Variants in WIPF2 observed in about 807,000 individuals in gnomAD.
WIPF2 encodes WAS/WASL interacting protein family member 2, also known as WAS/WASL-interacting protein family member 2.
Under a neutral mutation model 38.8 loss-of-function variants are expected in WIPF2, and 23 were observed. The observed-to-expected ratio is 0.59, with a 90% CI of 0.43 to 0.84. The LOEUF (loss-of-function observed/expected upper bound fraction) is 0.84. Ranked by LOEUF, WIPF2 falls within the 40% of genes least tolerant of loss-of-function variation. WIPF2 has a pLI of 0.00. For synonymous variants in WIPF2, 210 were observed against 223.2 expected, an observed-to-expected ratio of 0.94 and a Z score of 0.53; for missense variants, 574 against 580.5, an observed-to-expected ratio of 0.99 and a Z score of 0.11.
At chr17:40,248,485 T>C (rs939371526) in intron 1 of WIPF2, among the ~76,000 whole-genome samples, 4 of 152,124 alleles carry the variant, frequency 2.6e-5, no homozygotes, top group African/African-American at 7.2e-5. Context: ...ATATTTCTTA[T>C]TAAATAGAGA....
chr17:40,230,995 ACAGTACTTAAAACC>A (rs1364334745), intron 1 of WIPF2, among the ~76,000 whole-genome samples: 4 of 152,170 alleles, frequency 2.6e-5, no homozygotes, highest in Non-Finnish European at 4.4e-5. Flanking sequence ...TTCAGAAATC[ACAGTACTTAAAACC>A]CAGATGGTCC....
intron 1 of WIPF2, among the ~76,000 whole-genome samples, chr17:40,242,212 T>C (rs1720638946): frequency 6.6e-6 from 1 of 152,160 alleles, no homozygotes; most frequent in South Asian, 2.1e-4. Flanking sequence ...ATCCTGTCTT[T>C]GCAATCAAAA....
rs1457326672 is a variant in WIPF2, at chr17:40,280,416, T to A, written c.*2191T>A. On this transcript the variant is annotated 3_prime_UTR_variant, in exon 8 of 8. Transcript: ENST00000323571. ...TCCAGGAGGTGGAGGTTGCAGTGAG[T>A]GGAGATGGCGCCACTGCGCTCCAGC... 1 of 152,396 alleles carries A rather than the reference T, an allele frequency of 6.6e-6. No individual in the cohort carries two copies. Among genetic ancestry groups the A allele is most frequent in the African/African-American group, 2.4e-5 (1 of 41,320 alleles). The allele number at this position is 152,396 out of a possible 1,614,324, so 9.4% of individuals were successfully genotyped here. A position where few individuals can be genotyped will look rare whatever the true frequency, so the allele number is the denominator to read the frequency against.
intron 1 of WIPF2, among the ~76,000 whole-genome samples, chr17:40,243,735 G>T (rs2031269162): frequency 1.3e-5 from 2 of 151,704 alleles, no homozygotes; most frequent in Non-Finnish European, 2.9e-5. Flanking sequence ...TGGCCAGGCT[G>T]GTCTAAAACT....
rs58758484 is a variant in WIPF2, at chr17:40,222,654, GTTTTTTTT to G, written c.-70+3188_-70+3195del. Reference sequence around the variant, plus strand: ...CTGGTTTTGATTTGATGCATATTCAGTTTTTTTTTTTTTTTTTTTTTTTTTTTTTTTTT... The same window carrying G: ...CTGGTTTTGATTTGATGCATATTCAGTTTTTTTTTTTTTTTTTTTTTTTTT... On this transcript the variant is annotated intron_variant, in intron 1 of 7. Coordinates refer to ENST00000323571, the MANE Select transcript of WIPF2 (RefSeq NM_133264.5). 2.3e-4 allele frequency among the ~76,000 whole-genome samples: 12 copies of G among 52,856 alleles called. No homozygotes were observed. The East Asian group carries it at 2.4e-3, about 11-fold the overall frequency. The allele number at this position is 52,856 out of a possible 152,430, so 34.7% of individuals were successfully genotyped here.
intron 2 of WIPF2, among the ~76,000 whole-genome samples, chr17:40,260,179 C>CTTTTTTTTT (rs34757828): frequency 3.0e-5 from 3 of 101,048 alleles, no homozygotes; most frequent in Non-Finnish European, 4.0e-5. Flanking sequence ...ATAAAGGGAA[C>CTTTTTTTTT]TTTTTTTTTT....
At chr17:40,276,940 G>C (rs755416125) in intron 6 of WIPF2, 143 bp from the exon 7 acceptor site, 69 of 666,678 alleles carry the variant, frequency 1.0e-4, no homozygotes, top group Admixed American at 2.9e-4. Flanking sequence ...CTGTTCTCAG[G>C]GTGGTTGGTT....
At chr17:40,252,440 G>A (rs769881613) in intron 1 of WIPF2, among the ~76,000 whole-genome samples, 2 of 152,100 alleles carry the variant, frequency 1.3e-5, no homozygotes, top group Non-Finnish European at 2.9e-5. Flanking sequence ...GAGGCGTGAG[G>A]ATCATTTGAG....
At chr17:40,267,855 T>C (rs2032140363) in intron 5 of WIPF2, among the ~76,000 whole-genome samples, 1 of 152,174 alleles carries the variant, frequency 6.6e-6, no homozygotes. Context: ...AGGAGTTATG[T>C]CATGGAGTCT....
chr17:40,220,599 A>ATATATATATATATG (rs2030167069), intron 1 of WIPF2: 1 of 83,112 alleles, frequency 1.2e-5, no homozygotes, highest in African/African-American at 5.4e-5. Context: ...ATATATATAT[A>ATATATATATATATG]TATATATATA....
chr17:40,263,447 G>T (rs148539494), intron 4 of WIPF2, among the ~76,000 whole-genome samples: 1 of 152,118 alleles, frequency 6.6e-6, no homozygotes, highest in Non-Finnish European at 1.5e-5. Flanking sequence ...ACCTGTACAG[G>T]TGCATGGCCC....
chr17:40,270,882 T>TTGTGTGTGTGTGTGTGTGTG (rs373553389), intron 5 of WIPF2, among the ~76,000 whole-genome samples: 75 of 150,476 alleles, frequency 5.0e-4, no homozygotes, highest in East Asian at 3.9e-3. Flanking sequence ...TTGTGCCAGA[T>TTGTGTGTGTGTGTGTGTGTG]TGTGTGTGTG....
rs1423882111 is a variant in WIPF2, at chr17:40,283,887, AGC to A, written c.*5663_*5664del. On this transcript the variant is annotated 3_prime_UTR_variant, in exon 8 of 8. Coordinates refer to ENST00000323571, the MANE Select transcript of WIPF2 (RefSeq NM_133264.5). The stretch of plus-strand genomic sequence containing the variant: ...ACATCATAACCACTAAGGCTTAATG[AGC>A]TTAACTTGCACTTTCATCACTAGCA... The A allele has an allele frequency of 6.6e-6, 1 of 152,142 alleles. No individual in the cohort carries two copies. Among genetic ancestry groups the A allele is most frequent in the Admixed American group, 6.5e-5 (1 of 15,276 alleles). The allele number at this position is 152,142 out of a possible 1,614,324, so 9.4% of individuals were successfully genotyped here.
chr17:40,219,340 T>A lies in WIPF2; in HGVS notation c.-222T>A, dbSNP rs965445931. 4 of 369,244 alleles carry A rather than the reference T, an allele frequency of 1.1e-5. No individual in the cohort carries two copies. The highest frequency in any genetic ancestry group is 2.0e-5 in the Non-Finnish European group (4 of 195,728). 22.9% of individuals were successfully genotyped at this position (369,244 alleles called of 1,614,324 possible). A position where few individuals can be genotyped will look rare whatever the true frequency, so the allele number is the denominator to read the frequency against. ...GGACGCTGGGGACGGTGGGAGCAGA[T>A]CCATTTCCGGGTTGGCAAAAGGGGC... On this transcript the variant is annotated 5_prime_UTR_variant, in exon 1 of 8. Transcript: ENST00000323571.
intron 1 of WIPF2, among the ~76,000 whole-genome samples, chr17:40,227,151 C>A (rs1411838451): frequency 2.6e-5 from 4 of 152,120 alleles, no homozygotes; most frequent in Non-Finnish European, 5.9e-5. Flanking sequence ...AAGCAATCTC[C>A]TGCCTCACCG....
At chr17:40,221,024 C>T (rs541795631) in intron 1 of WIPF2, among the ~76,000 whole-genome samples, 1 of 151,924 alleles carries the variant, frequency 6.6e-6, no homozygotes, top group South Asian at 2.1e-4. Flanking sequence ...CCTCGTGATC[C>T]GCCCGCCTCT....
intron 6 of WIPF2, among the ~76,000 whole-genome samples, chr17:40,276,282 C>G (rs888603926): frequency 3.3e-5 from 5 of 152,112 alleles, no homozygotes; most frequent in African/African-American, 1.2e-4. Context: ...AATCCCAGCG[C>G]TTTGGGAGGC....
chr17:40,252,201 G>A (rs374866876), intron 1 of WIPF2, among the ~76,000 whole-genome samples: 1 of 152,314 alleles, frequency 6.6e-6, no homozygotes, highest in South Asian at 2.1e-4. Context: ...GCTTAAATAA[G>A]TGGAGCACAC....
At chr17:40,231,669 C>T (rs1312190423) in intron 1 of WIPF2, among the ~76,000 whole-genome samples, 3 of 152,064 alleles carry the variant, frequency 2.0e-5, no homozygotes, top group Non-Finnish European at 4.4e-5. Context: ...GTGATCCACC[C>T]GCCTTGGCGC....
Sources: gnomAD v4.1 joint callset for allele counts (sites outside exome capture counted in the v4.1 genomes callset) on GRCh38, gnomAD v4.1.1 for gene constraint, MANE v1.5 for transcripts, NCBI Gene and HGNC (gene_info 2026-07-23, HGNC 2026-07-21) for gene names.